The following HGD variants were observed in gnomAD, a reference collection of about 807,000 sequenced individuals.
HGD encodes the protein homogentisate 1,2-dioxygenase.
A neutral mutation model predicts 60.8 loss-of-function variants in HGD; 61 were observed. That is an observed-to-expected ratio of 1.00 (90% CI 0.82 to 1.24). The LOEUF is 1.24. Ranked by LOEUF, HGD falls within the 50% of genes most tolerant of loss-of-function variation. The pLI is 0.00. For synonymous variants in HGD, 212 were observed against 187.7 expected (o/e 1.13, Z -1.06); for missense variants, 542 against 547.1 (o/e 0.99, Z 0.09).
At chr3:120,631,626 A>G (rs912713934) in intron 13 of HGD, among the ~76,000 whole-genome samples, 2 of 152,228 alleles carry the variant, frequency 1.3e-5, no homozygotes, top group African/African-American at 2.4e-5. Flanking sequence ...TGGATTAACA[A>G]AAGCCCCATC....
chr3:120,662,844 A>G (rs944724336), intron 4 of HGD, among the ~76,000 whole-genome samples: 1 of 152,182 alleles, frequency 6.6e-6, no homozygotes, highest in Non-Finnish European at 1.5e-5. Flanking sequence ...AACCCCCTGT[A>G]TTTCAGAATG....
chr3:120,666,381 A>AT (rs1439532366), intron 4 of HGD, among the ~76,000 whole-genome samples: 1 of 152,106 alleles, frequency 6.6e-6, no homozygotes, highest in Non-Finnish European at 1.5e-5. Flanking sequence ...TTCTAACCAT[A>AT]GGTTAGAATG....
At chr3:120,680,586 T>C (rs1433806222) in intron 1 of HGD, among the ~76,000 whole-genome samples, 1 of 152,234 alleles carries the variant, frequency 6.6e-6, no homozygotes, top group Non-Finnish European at 1.5e-5. Context: ...AGAATGTTCA[T>C]CAGAAAACAA....
chr3:120,649,561 C>T (rs1469452076), intron 6 of HGD, among the ~76,000 whole-genome samples: 1 of 152,114 alleles, frequency 6.6e-6, no homozygotes, highest in African/African-American at 2.4e-5. Context: ...CCAAATTTAG[C>T]TCAGTTGGCT....
chr3:120,633,678 C>G (rs7625503), intron 12 of HGD: 1 of 1,085,494 alleles, frequency 9.2e-7, no homozygotes, highest in Non-Finnish European at 1.2e-6. Flanking sequence ...TCTAAGCTTA[C>G]GAGCCCTGTA....
At chr3:120,662,309 T>G (rs1176499561) in intron 4 of HGD, among the ~76,000 whole-genome samples, 1 of 152,018 alleles carries the variant, frequency 6.6e-6, no homozygotes, top group African/African-American at 2.4e-5. Flanking sequence ...GACATAGGAA[T>G]CAGGTAGAAG....
At chr3:120,632,181 T>G (rs1018499211) in intron 13 of HGD, among the ~76,000 whole-genome samples, 1 of 152,118 alleles carries the variant, frequency 6.6e-6, no homozygotes, top group Admixed American at 6.6e-5. Context: ...CAACTCTGGC[T>G]CCAGGGTTGG....
intron 1 of HGD, among the ~76,000 whole-genome samples, chr3:120,676,369 G>A (rs1011169315): frequency 6.6e-6 from 1 of 152,110 alleles, no homozygotes; most frequent in Non-Finnish European, 1.5e-5. Context: ...CAGGAGACAC[G>A]CCAGCCCAGC....
chr3:120,635,535 T>C (rs994619718), intron 12 of HGD, among the ~76,000 whole-genome samples: 1 of 149,744 alleles, frequency 6.7e-6, no homozygotes, highest in Non-Finnish European at 1.5e-5. Flanking sequence ...TTAAGATGAC[T>C]GGAGGCAATA....
chr3:120,675,100 C>A, intron 2 of HGD, 111 bp from the exon 3 acceptor site: 1 of 737,136 alleles, frequency 1.4e-6, no homozygotes, highest in African/African-American at 1.7e-5. Context: ...TGCACATGAC[C>A]ATCTGCAACC....
intron 4 of HGD, among the ~76,000 whole-genome samples, chr3:120,664,192 C>A (rs141563461): frequency 6.6e-6 from 1 of 151,838 alleles, no homozygotes; most frequent in South Asian, 2.1e-4. Flanking sequence ...AAGAGAGAAG[C>A]CAACAATCAA....
intron 11 of HGD, among the ~76,000 whole-genome samples, chr3:120,639,985 C>G (rs1048593211): frequency 1.3e-5 from 2 of 151,830 alleles, no homozygotes; most frequent in Admixed American, 6.6e-5. Context: ...TCATGGGGAT[C>G]GATTCCCTGC....
Position 120,633,137 on chromosome 3 carries a change from A to G in HGD, c.1188+10T>C, listed in dbSNP as rs1457337672. ...AGAGGCCGCTGGAATGTGGCAGTTAACATACTTACCATGGTGCCATCGGCA... is the reference window on the plus strand; with the variant it reads ...AGAGGCCGCTGGAATGTGGCAGTTAGCATACTTACCATGGTGCCATCGGCA... On this transcript the variant is annotated intron_variant, in intron 13 of 13. Transcript: ENST00000283871. 1 of 1,613,756 alleles carries G rather than the reference A, an allele frequency of 6.2e-7. No individual in the cohort carries two copies. Among genetic ancestry groups the G allele is most frequent in the East Asian group, 2.2e-5 (1 of 44,882 alleles).
At chr3:120,666,881 C>T (rs780144643) in intron 4 of HGD, among the ~76,000 whole-genome samples, 1 of 152,110 alleles carries the variant, frequency 6.6e-6, no homozygotes, top group Non-Finnish European at 1.5e-5. Flanking sequence ...ACTTCCTGGT[C>T]AAAATGTATG....
rs1941161693 is a variant in HGD, at chr3:120,646,342, C to T, written c.574G>A (p.Val192Ile). Residue 192 changes from valine (V) to isoleucine (I), a missense_variant, in exon 9 of 14, where the codon GTC becomes ATC. Around this residue, in one of 2 missense-constraint regions of HGD, gnomAD observed 537 missense variants for 529.1 expected, o/e 1.01. Coordinates refer to ENST00000283871, the MANE Select transcript of HGD (RefSeq NM_000187.4). ...ATGTAGCCCCTGGTCTCCTCAAAGACATCTATGCTGAACCGCATTCCTCTC... is the reference window on the plus strand; with the variant it reads ...ATGTAGCCCCTGGTCTCCTCAAAGATATCTATGCTGAACCGCATTCCTCTC... ...IQRGMRFSIDVFEETRGYILE... is the reference protein window; with the variant it reads ...IQRGMRFSIDIFEETRGYILE... 6.2e-7 allele frequency: 1 copy of T among 1,612,886 alleles called. No homozygotes were observed. Among genetic ancestry groups the T allele is most frequent in the African/African-American group, 1.3e-5 (1 of 74,834 alleles).
intron 1 of HGD, 57 bp downstream of exon 1, chr3:120,682,040 A>C (rs1008424472): frequency 6.4e-7 from 1 of 1,553,400 alleles, no homozygotes; most frequent in Non-Finnish European, 8.9e-7. Context: ...AGTTCTCAGA[A>C]ACTTCCATAA....
chr3:120,655,866 G>A (rs1198318047), intron 4 of HGD, among the ~76,000 whole-genome samples: 1 of 152,224 alleles, frequency 6.6e-6, no homozygotes, highest in Admixed American at 6.5e-5. Context: ...ATAACAACAG[G>A]TGCTGGTGAG....
chr3:120,650,817 G>A lies in HGD; in HGVS notation c.391C>T (p.Leu131Phe). The change falls in exon 6 of 14, where the codon CTT becomes TTT. Residue 131 changes from leucine to phenylalanine, a missense_variant. This residue lies in a region of HGD where 537 missense variants were observed against 529.1 expected (regional missense o/e 1.01). Transcript: ENST00000283871. ...GAGDIKSNNG[L>F]AIHIFLCNTS... ...TTGCAGAGGAAAATGTGGATAGCAA[G>A]CCCATTGTTAGACTTTATGTCTCCA... 1 of 1,614,098 alleles carries A rather than the reference G, an allele frequency of 6.2e-7. No homozygotes were observed. The highest frequency in any genetic ancestry group is 8.5e-7 in the Non-Finnish European group (1 of 1,179,924).
chr3:120,660,112 C>T (rs1438142718), intron 4 of HGD, among the ~76,000 whole-genome samples: 1 of 152,086 alleles, frequency 6.6e-6, no homozygotes, highest in Non-Finnish European at 1.5e-5. Context: ...TACCTTGCTC[C>T]CCCTTTGCCT....
Sources: gnomAD v4.1 joint callset for allele counts (sites outside exome capture counted in the v4.1 genomes callset) on GRCh38, gnomAD v4.1.1 for gene constraint, gnomAD v4.1.1 regional missense constraint, MANE v1.5 for transcripts, NCBI Gene and HGNC (gene_info 2026-07-23, HGNC 2026-07-21) for gene names.